The following MYLK4 variants were observed in gnomAD, a reference collection of about 807,000 sequenced individuals.
MYLK4 encodes the protein myosin light chain kinase family member 4.
In MYLK4, 46 loss-of-function variants were observed where a neutral mutation model predicts 48.1. The ratio of observed to expected loss-of-function variants is 0.96; its 90% CI spans 0.75 to 1.22. MYLK4 has a LOEUF of 1.22. Among genes scored for constraint, MYLK4 ranks in the 50% most tolerant of loss-of-function variants. MYLK4 has a pLI of 0.00. For missense variants in MYLK4, 451 were observed against 486.1 expected, an observed-to-expected ratio of 0.93 and a Z score of 0.68; for synonymous variants, 170 against 180.8, an observed-to-expected ratio of 0.94 and a Z score of 0.48.
At chr6:2,695,069 A>G (rs1488024747) in intron 2 of MYLK4, among the ~76,000 whole-genome samples, 1 of 152,238 alleles carries the variant, frequency 6.6e-6, no homozygotes. Context: ...TCGAAAGATT[A>G]CAATTAACAT....
intron 2 of MYLK4, among the ~76,000 whole-genome samples, chr6:2,724,347 G>T (rs118091235): frequency 6.6e-6 from 1 of 152,288 alleles, no homozygotes; most frequent in East Asian, 1.9e-4. Context: ...GTCCTGGATA[G>T]GGGCACATTA....
chr6:2,751,399 C>A (rs1372305411), upstream of MYLK4, among the ~76,000 whole-genome samples: 1 of 152,230 alleles, frequency 6.6e-6, no homozygotes, highest in East Asian at 1.9e-4. Flanking sequence ...AGTCTCCAAC[C>A]ATTTCTAGCT....
intron 2 of MYLK4, among the ~76,000 whole-genome samples, chr6:2,740,205 G>C (rs1369630781): frequency 6.6e-6 from 1 of 152,208 alleles, no homozygotes; most frequent in Non-Finnish European, 1.5e-5. Context: ...ATGGCTGACA[G>C]TGAGACTTTA....
chr6:2,671,116 G>C (rs1760872787), intron 12 of MYLK4, among the ~76,000 whole-genome samples, 160 bp downstream of exon 12: 1 of 152,182 alleles, frequency 6.6e-6, no homozygotes, highest in African/African-American at 2.4e-5. Context: ...AGAAAGAGCA[G>C]AGGCAGGGTG....
chr6:2,762,320 A>G, the MYLK4 span, among the ~76,000 whole-genome samples: 1 of 152,230 alleles, frequency 6.6e-6, no homozygotes, highest in Non-Finnish European at 1.5e-5. Context: ...TCTACTGTCT[A>G]ATCTTGAAAC....
At chr6:2,678,192 C>T (rs1446757825) in intron 10 of MYLK4, 28 bp downstream of exon 10, 3 of 1,610,004 alleles carry the variant, frequency 1.9e-6, no homozygotes, top group East Asian at 2.2e-5. Flanking sequence ...CCCTACTGCG[C>T]CCGGAGCACA....
intron 10 of MYLK4, among the ~76,000 whole-genome samples, chr6:2,676,897 A>C (rs535189907): frequency 1.2e-4 from 18 of 152,328 alleles, no homozygotes; most frequent in South Asian, 6.2e-4. Flanking sequence ...GTTCACAGTA[A>C]ATGTGGACTT....
chr6:2,678,084 C>G, intron 10 of MYLK4, 136 bp downstream of exon 10: 3 of 1,141,082 alleles, frequency 2.6e-6, no homozygotes, highest in South Asian at 3.1e-5. Flanking sequence ...TCAAGAGGCT[C>G]AAACCTCATT....
At chr6:2,728,745 C>T (rs1344669728) in intron 2 of MYLK4, among the ~76,000 whole-genome samples, 5 of 152,212 alleles carry the variant, frequency 3.3e-5, no homozygotes, top group Non-Finnish European at 7.3e-5. Context: ...AAACCAAGCA[C>T]ATTTACATCT....
Position 2,664,256 on chromosome 6 carries a change from AAG to A in MYLK4, c.*3667_*3668del, listed in dbSNP as rs1478527758. 6.6e-6 allele frequency: 1 copy of A among 152,234 alleles called. No individual in the cohort carries two copies. Among genetic ancestry groups the A allele is most frequent in the Admixed American group, 6.5e-5 (1 of 15,280 alleles). 9.4% of individuals were successfully genotyped at this position (152,234 alleles called of 1,614,324 possible). Reference sequence around the variant, plus strand: ...AAAGGAAAGAAGTAAAAAAATGTAAAAGAGAGTGCAAAAGCAAAGGCGAAGCT... The same window carrying A: ...AAAGGAAAGAAGTAAAAAAATGTAAAAGAGTGCAAAAGCAAAGGCGAAGCT... On this transcript the variant is annotated 3_prime_UTR_variant, in exon 13 of 13. Coordinates refer to ENST00000274643, the MANE Select transcript of MYLK4 (RefSeq NM_001012418.5).
chr6:2,693,500 C>T (rs964734818), intron 2 of MYLK4, among the ~76,000 whole-genome samples: 1 of 152,212 alleles, frequency 6.6e-6, no homozygotes, highest in Non-Finnish European at 1.5e-5. Flanking sequence ...ATTCTTCTCA[C>T]AGTCCTGGAG....
chr6:2,719,147 C>T (rs183964011), intron 2 of MYLK4, among the ~76,000 whole-genome samples: 1 of 152,172 alleles, frequency 6.6e-6, no homozygotes, highest in Non-Finnish European at 1.5e-5. Flanking sequence ...CTACAAAAGG[C>T]TCTTCAAAGG....
chr6:2,765,518 G>C, the MYLK4 span: 1 of 1,285,528 alleles, frequency 7.8e-7, no homozygotes, highest in Non-Finnish European at 9.8e-7. Context: ...CTGGTTCCCC[G>C]AGCGAGGGTC....
chr6:2,687,767 T>TA (rs1761614812), intron 4 of MYLK4, among the ~76,000 whole-genome samples: 1 of 152,128 alleles, frequency 6.6e-6, no homozygotes, highest in African/African-American at 2.4e-5. Flanking sequence ...ACTTCACAAA[T>TA]ATCAAGGACT....
At chr6:2,765,458 T>C in the MYLK4 span, 1 of 837,338 alleles carries the variant, frequency 1.2e-6, no homozygotes, top group South Asian at 5.3e-5. Flanking sequence ...ACGCGGGAGC[T>C]GCGGACGTGA....
chr6:2,679,093 T>A (rs879937954), intron 9 of MYLK4, among the ~76,000 whole-genome samples, 187 bp downstream of exon 9: 1 of 152,196 alleles, frequency 6.6e-6, no homozygotes, highest in Non-Finnish European at 1.5e-5. Context: ...CTTTTCCAAA[T>A]GATGTGCAGG....
chr6:2,770,167 G>A, the MYLK4 span: 2 of 1,614,022 alleles, frequency 1.2e-6, no homozygotes, highest in African/African-American at 2.7e-5. Context: ...CTCTGATTGG[G>A]GCAACCACTG....
chr6:2,685,623 G>T lies in MYLK4; in HGVS notation c.342-47C>A. 6.4e-7 allele frequency: 1 copy of T among 1,571,166 alleles called. No individual in the cohort carries two copies. The highest frequency in any genetic ancestry group is 8.8e-7 in the Non-Finnish European group (1 of 1,142,630). On this transcript the variant is annotated intron_variant, in intron 4 of 12. Coordinates refer to ENST00000274643, the MANE Select transcript of MYLK4 (RefSeq NM_001012418.5). The surrounding 1 kb of genome is among the most constrained non-coding windows in gnomAD (Gnocchi z 4.5). Reference sequence around the variant, plus strand: ...GTAGCATGAGGCCCTGTGGTCAGCTGCCGAGTGGACAGCGCACAGTGGCCC... The same window carrying T: ...GTAGCATGAGGCCCTGTGGTCAGCTTCCGAGTGGACAGCGCACAGTGGCCC...
Position 2,685,669 on chromosome 6 carries a change from C to T in MYLK4, c.342-93G>A. 1 of 1,139,340 alleles carries T rather than the reference C, an allele frequency of 8.8e-7. No homozygotes were observed. 70.6% of individuals were successfully genotyped at this position (1,139,340 alleles called of 1,614,324 possible). ...GGCCCCAGTATTTCTCCTGCTGAGT[C>T]TGGATGAGCAGCCCTCTGAGGAGTT... On this transcript the variant is annotated intron_variant, in intron 4 of 12. Coordinates refer to ENST00000274643, the MANE Select transcript of MYLK4 (RefSeq NM_001012418.5). This position sits in a 1 kb window ranked among gnomAD's most constrained non-coding sequence, Gnocchi z 4.5.
Sources: gnomAD v4.1 joint callset for allele counts (sites outside exome capture counted in the v4.1 genomes callset) on GRCh38, gnomAD v4.1.1 for gene constraint, Gnocchi (gnomAD v3.1) non-coding constraint, MANE v1.5 for transcripts, NCBI Gene and HGNC (gene_info 2026-07-23, HGNC 2026-07-21) for gene names.